Variants in RBFOX3 observed in about 807,000 individuals in gnomAD.
RBFOX3 encodes RNA binding fox-1 homolog 3, also known as RNA binding protein fox-1 homolog 3.
In RBFOX3, 17 loss-of-function variants were observed where a neutral mutation model predicts 48.7. The observed-to-expected ratio is 0.35, with a 90% CI of 0.24 to 0.52. The LOEUF is 0.52. RBFOX3 is among the 20% of genes least tolerant of loss of function. RBFOX3 has a pLI of 0.94. For missense variants in RBFOX3, 382 were observed against 497.5 expected (o/e 0.77, Z 2.21); for synonymous variants, 212 against 209.5 (o/e 1.01, Z -0.10).
intron 4 of RBFOX3, among the ~76,000 whole-genome samples, chr17:79,140,776 G>A (rs1568211799): frequency 6.6e-6 from 1 of 152,260 alleles, no homozygotes; most frequent in Non-Finnish European, 1.5e-5. Context: ...AGGTTTAACT[G>A]TGCTGGGCAT....
chr17:79,408,140 G>A (rs577085746), intron 2 of RBFOX3, among the ~76,000 whole-genome samples: 1 of 152,260 alleles, frequency 6.6e-6, no homozygotes, highest in South Asian at 2.1e-4. Flanking sequence ...GGGAGAAGGA[G>A]CACTCGCCTC....
chr17:79,589,252 G>T (rs2093349424), intron 1 of RBFOX3, among the ~76,000 whole-genome samples: 1 of 152,064 alleles, frequency 6.6e-6, no homozygotes, highest in African/African-American at 2.4e-5. Flanking sequence ...TGTGGACTCC[G>T]CAGGTGGGCT....
intron 3 of RBFOX3, among the ~76,000 whole-genome samples, chr17:79,263,902 G>T (rs954886779): frequency 3.9e-5 from 6 of 152,072 alleles, no homozygotes; most frequent in African/African-American, 7.2e-5. Flanking sequence ...CTAGATTTAG[G>T]GTTAGCCCTA....
chr17:79,196,368 G>A (rs531269260), intron 4 of RBFOX3, among the ~76,000 whole-genome samples: 13 of 152,260 alleles, frequency 8.5e-5, no homozygotes, highest in East Asian at 3.9e-4. Flanking sequence ...CCGACCACCC[G>A]TGGGACTCTG....
the RBFOX3 span, among the ~76,000 whole-genome samples, chr17:79,661,307 G>T: frequency 0.062 from 9,406 of 151,648 alleles, 335 homozygotes; most frequent in Middle Eastern, 0.13. Context: ...TTTAAAAAAG[G>T]TTAAAAAAAA....
chr17:79,097,239 C>G, intron 11 of RBFOX3, 53 bp downstream of exon 11: 1 of 1,445,392 alleles, frequency 6.9e-7, no homozygotes, highest in South Asian at 1.3e-5. Flanking sequence ...CCATTTCCCT[C>G]CTCCCCGCCG....
chr17:79,650,495 C>T, the RBFOX3 span, among the ~76,000 whole-genome samples: 38,763 of 151,914 alleles, frequency 0.26, 6,071 homozygotes, highest in African/African-American at 0.43. Flanking sequence ...TCATTGCAGC[C>T]ACGCCGCTCT....
At chr17:79,510,845 G>T (rs1425291222) in intron 1 of RBFOX3, among the ~76,000 whole-genome samples, 1 of 152,114 alleles carries the variant, frequency 6.6e-6, no homozygotes, top group Non-Finnish European at 1.5e-5. Flanking sequence ...GCGAGCACCT[G>T]GGGCTTCCAC....
the RBFOX3 span, among the ~76,000 whole-genome samples, chr17:79,630,134 C>T: frequency 6.6e-6 from 1 of 152,184 alleles, no homozygotes; most frequent in Non-Finnish European, 1.5e-5. Context: ...AAGGTACCAG[C>T]TCACAGGGGA....
intron 5 of RBFOX3, among the ~76,000 whole-genome samples, chr17:79,108,453 G>A (rs1423389119): frequency 6.6e-6 from 1 of 152,254 alleles, no homozygotes; most frequent in Non-Finnish European, 1.5e-5. Context: ...TTTCCGGAGG[G>A]CATCTGTCGC....
At position 79,535,012 on chromosome 17, in the gene RBFOX3, T is replaced by C. The variant is rs1555788379; in HGVS notation, c.-319-52414A>G. Among the ~76,000 whole-genome samples, 1 of 152,076 alleles carries C rather than the reference T, an allele frequency of 6.6e-6. No individual in the cohort carries two copies. Among genetic ancestry groups the C allele is most frequent in the East Asian group, 1.9e-4 (1 of 5,168 alleles). On this transcript the variant is annotated intron_variant, in intron 1 of 14. Coordinates refer to ENST00000693108, the MANE Select transcript of RBFOX3 (RefSeq NM_001350451.2). The surrounding 1 kb of genome is among the most constrained non-coding windows in gnomAD (Gnocchi z 4.5). Reference sequence around the variant, plus strand: ...CCAGAGGGATCCCAGCTGAATCGGTTAGGATGCTTTCAGCTGCACCCAACA... The same window carrying C: ...CCAGAGGGATCCCAGCTGAATCGGTCAGGATGCTTTCAGCTGCACCCAACA...
intron 1 of RBFOX3, among the ~76,000 whole-genome samples, chr17:79,583,823 G>A (rs888210392): frequency 9.2e-5 from 14 of 152,348 alleles, no homozygotes; most frequent in African/African-American, 2.6e-4. Context: ...GCAGGAGGCC[G>A]CGGCCATGGT....
rs376978302 is a variant in RBFOX3 at position 79,103,104 on chromosome 17, C to A, written c.507+58G>T. On this transcript the variant is annotated intron_variant, in intron 8 of 14. Coordinates refer to ENST00000693108, the MANE Select transcript of RBFOX3 (RefSeq NM_001350451.2). The surrounding 1 kb of genome is among the most constrained non-coding windows in gnomAD (Gnocchi z 6.1). ...TGGCAGGGCTGGTTGGTTGGGGGAG[C>A]TGGGGGGCAGGTGGGCGATCTTGGG... 2.7e-5 allele frequency: 36 copies of A among 1,314,312 alleles called. No homozygotes were observed. In the East Asian group the frequency reaches 6.3e-4, roughly 23 times the overall value. 81.4% of individuals were successfully genotyped at this position (1,314,312 alleles called of 1,614,324 possible). A position where few individuals can be genotyped will look rare whatever the true frequency, so the allele number is the denominator to read the frequency against.
chr17:79,222,229 GC>G (rs2059826283), intron 4 of RBFOX3, among the ~76,000 whole-genome samples: 1 of 148,912 alleles, frequency 6.7e-6, no homozygotes, highest in African/African-American at 2.5e-5. Flanking sequence ...CAGATCTAAA[GC>G]CCTTTATGGC....
At chr17:79,095,610 C>A in intron 12 of RBFOX3, 36 bp from the exon 13 acceptor site, 1 of 1,531,434 alleles carries the variant, frequency 6.5e-7, no homozygotes, top group Non-Finnish European at 8.9e-7. Flanking sequence ...AGCAGAGGGA[C>A]TTAGTGGGGC....
Position 79,165,300 on chromosome 17 carries a change from A to T in RBFOX3, c.-33-49552T>A, listed in dbSNP as rs188589231. Among the ~76,000 whole-genome samples, 170 of 152,346 alleles carry T rather than the reference A, an allele frequency of 1.1e-3. 1 individual carries two copies. The highest frequency in any genetic ancestry group is 4.4e-3 in the Admixed American group (67 of 15,308). Reference sequence around the variant, plus strand: ...GAGGAGGAAAAAACCCGAGTTTCTCATTTGAAAGTTAATTAGTCTAATTAG... The same window carrying T: ...GAGGAGGAAAAAACCCGAGTTTCTCTTTTGAAAGTTAATTAGTCTAATTAG... On this transcript the variant is annotated intron_variant, in intron 4 of 14. Coordinates refer to ENST00000693108, the MANE Select transcript of RBFOX3 (RefSeq NM_001350451.2).
chr17:79,569,097 A>G (rs2092572855), intron 1 of RBFOX3, among the ~76,000 whole-genome samples: 2 of 151,826 alleles, frequency 1.3e-5, no homozygotes, highest in Admixed American at 1.3e-4. Flanking sequence ...AAAAAAAAAA[A>G]CCTTGCCATT....
intron 2 of RBFOX3, among the ~76,000 whole-genome samples, chr17:79,433,241 G>A (rs62061675): frequency 0.037 from 5,606 of 152,248 alleles, 146 homozygotes; most frequent in Non-Finnish European, 0.052. Flanking sequence ...GAGAGGTCCC[G>A]CCCTGGTCTC....
chr17:79,237,282 C>A (rs1567894452), intron 3 of RBFOX3, among the ~76,000 whole-genome samples: 1 of 152,230 alleles, frequency 6.6e-6, no homozygotes, highest in Non-Finnish European at 1.5e-5. Context: ...TCATCCACAT[C>A]ACTGTAAAAA....
Sources: allele counts gnomAD v4.1 joint callset (sites outside exome capture counted in the v4.1 genomes callset), GRCh38; gene constraint gnomAD v4.1.1; non-coding constraint Gnocchi (gnomAD v3.1); transcripts MANE v1.5; gene names NCBI Gene and HGNC (gene_info 2026-07-23, HGNC 2026-07-21).